CDK5RAP2: variants seen among roughly 807,000 people sequenced by gnomAD.
CDK5RAP2 encodes the protein CDK5 regulatory subunit associated protein 2, also known as CDK5 regulatory subunit-associated protein 2.
CDK5RAP2 carries 147 observed loss-of-function variants against 232.9 expected under a neutral mutation model. The ratio of observed to expected loss-of-function variants is 0.63; its 90% CI spans 0.55 to 0.72. The LOEUF (loss-of-function observed/expected upper bound fraction) is 0.72. CDK5RAP2 is among the 30% of genes least tolerant of loss of function. The pLI is 0.00. For missense variants in CDK5RAP2, 2,195 were observed against 2,231.5 expected (o/e 0.98, Z 0.33); for synonymous variants, 833 against 833.7 (o/e 1.00, Z 0.01).
intron 3 of CDK5RAP2, among the ~76,000 whole-genome samples, chr9:120,560,704 C>A (rs1375617406): frequency 6.6e-6 from 1 of 152,176 alleles, no homozygotes; most frequent in Non-Finnish European, 1.5e-5. Context: ...GCAACCTCCG[C>A]CTTCCGGGCT....
intron 23 of CDK5RAP2, among the ~76,000 whole-genome samples, chr9:120,443,240 C>T (rs2035996864): frequency 6.6e-6 from 1 of 152,184 alleles, no homozygotes; most frequent in Non-Finnish European, 1.5e-5. Context: ...AAGCACACCT[C>T]AGCAACAGGC....
intron 35 of CDK5RAP2, among the ~76,000 whole-genome samples, chr9:120,397,353 C>T (rs531684194): frequency 6.6e-6 from 1 of 151,934 alleles, no homozygotes; most frequent in East Asian, 1.9e-4. Context: ...ACCTTAGAAT[C>T]CAATTGTATC....
intron 12 of CDK5RAP2, among the ~76,000 whole-genome samples, chr9:120,494,630 G>A (rs926538414): frequency 6.6e-6 from 1 of 152,094 alleles, no homozygotes; most frequent in Non-Finnish European, 1.5e-5. Flanking sequence ...AAATGCAGGA[G>A]GAGGAAGAGG....
intron 11 of CDK5RAP2, among the ~76,000 whole-genome samples, chr9:120,523,894 A>G (rs534461882): frequency 8.1e-4 from 123 of 152,268 alleles, no homozygotes; most frequent in African/African-American, 2.9e-3. Flanking sequence ...GAGTCCTTGT[A>G]GTACAACATT....
At chr9:120,543,573 A>G (rs2041724913) in intron 5 of CDK5RAP2, among the ~76,000 whole-genome samples, 1 of 151,954 alleles carries the variant, frequency 6.6e-6, no homozygotes, top group African/African-American at 2.4e-5. Context: ...TCACTCCCCT[A>G]CCTGGCTGGG....
intron 18 of CDK5RAP2, among the ~76,000 whole-genome samples, chr9:120,463,863 C>A (rs2037224468): frequency 6.6e-6 from 1 of 152,214 alleles, no homozygotes; most frequent in Non-Finnish European, 1.5e-5. Context: ...ATACTTCATG[C>A]TGCATGCTAT....
intron 12 of CDK5RAP2, among the ~76,000 whole-genome samples, chr9:120,507,924 AAAAAAAAAAAAAAAAAAAATATATAT>A (rs1453527391): frequency 4.4e-5 from 3 of 67,522 alleles, no homozygotes; most frequent in African/African-American, 1.4e-4. Flanking sequence ...AAAAAAAAAA[AAAAAAAAAAAAAAAAAAAATATATAT>A]ATATATATAT....
Position 120,525,013 on chromosome 9 carries a change from T to G in CDK5RAP2, c.1065A>C (p.Leu355=). Residue 355 remains leucine, a synonymous_variant, in exon 11 of 38, where the codon CTA becomes CTC. Coordinates refer to ENST00000349780, the MANE Select transcript of CDK5RAP2 (RefSeq NM_018249.6). Reference sequence around the variant, plus strand: ...GAAATTCCTGGGTCTGTGCTTTCTGTAGGGCCTCTCTGGCTTTAGCAAAGG... The same window carrying G: ...GAAATTCCTGGGTCTGTGCTTTCTGGAGGGCCTCTCTGGCTTTAGCAAAGG... The part of the protein sequence containing the change: ...SAAFAKAREA[L]QKAQTQEFQG... The G allele has an allele frequency of 1.9e-6, 3 of 1,614,002 alleles. No homozygotes were observed. Among genetic ancestry groups the G allele is most frequent in the Non-Finnish European group, 2.5e-6 (3 of 1,179,872 alleles).
intron 12 of CDK5RAP2, among the ~76,000 whole-genome samples, chr9:120,515,155 G>A (rs936853965): frequency 2.0e-5 from 3 of 152,160 alleles, no homozygotes; most frequent in South Asian, 2.1e-4. Flanking sequence ...ATGGCAGTAA[G>A]GGATGAGGGA....
chr9:120,418,310 C>G (rs2034359399), intron 27 of CDK5RAP2, among the ~76,000 whole-genome samples: 1 of 152,120 alleles, frequency 6.6e-6, no homozygotes, highest in Non-Finnish European at 1.5e-5. Flanking sequence ...AGAAATAGAA[C>G]AAGGTTGGGG....
intron 25 of CDK5RAP2, among the ~76,000 whole-genome samples, chr9:120,429,164 C>G (rs947096585): frequency 1.3e-5 from 2 of 151,794 alleles, no homozygotes; most frequent in Non-Finnish European, 2.9e-5. Flanking sequence ...ACTGAATGGG[C>G]AAAAACTGGA....
intron 8 of CDK5RAP2, among the ~76,000 whole-genome samples, chr9:120,529,437 C>T (rs1402840157): frequency 6.6e-6 from 1 of 152,246 alleles, no homozygotes. Flanking sequence ...AAAAATGTAA[C>T]AATTCCTCTG....
chr9:120,494,918 G>A (rs1434423285), intron 12 of CDK5RAP2, among the ~76,000 whole-genome samples: 7 of 143,412 alleles, frequency 4.9e-5, no homozygotes, highest in Non-Finnish European at 1.1e-4. Flanking sequence ...GACGCCCGCG[G>A]GCCCCAGCTG....
chr9:120,507,910 TAAAAAAAAAAAAAAAAAAA>T (rs1161123095), intron 12 of CDK5RAP2, among the ~76,000 whole-genome samples: 3 of 59,420 alleles, frequency 5.0e-5, no homozygotes, highest in African/African-American at 2.5e-4. Flanking sequence ...ACTGGCTGAT[TAAAAAAAAAAAAAAAAAAA>T]AAAAAAAAAA....
chr9:120,536,672 A>G (rs1012329720), intron 6 of CDK5RAP2, 146 bp from the exon 7 acceptor site: 8 of 818,496 alleles, frequency 9.8e-6, no homozygotes, highest in East Asian at 2.7e-5. Flanking sequence ...GGAGAGAATC[A>G]GTAATAAATA....
At chr9:120,426,149 C>T (rs2034884396) in intron 25 of CDK5RAP2, among the ~76,000 whole-genome samples, 1 of 152,220 alleles carries the variant, frequency 6.6e-6, no homozygotes, top group Admixed American at 6.5e-5. Flanking sequence ...GCCTGCATCA[C>T]TCTGTTAACC....
At chr9:120,518,165 CTGTGTGTGTGTGTGTGTGTGTGTG>C (rs56032707) in intron 12 of CDK5RAP2, among the ~76,000 whole-genome samples, 5 of 111,250 alleles carry the variant, frequency 4.5e-5, no homozygotes, top group South Asian at 3.8e-4. Context: ...GATAACAACT[CTGTGTGTGTGTGTGTGTGTGTGTG>C]TGTGTGTGTG....
intron 2 of CDK5RAP2, among the ~76,000 whole-genome samples, chr9:120,570,709 C>G (rs561883066): frequency 6.6e-6 from 1 of 152,002 alleles, no homozygotes; most frequent in Non-Finnish European, 1.5e-5. Context: ...TGTGGTGGCA[C>G]GTGCCTGTAA....
At chr9:120,486,753 A>G (rs927489255) in intron 14 of CDK5RAP2, among the ~76,000 whole-genome samples, 3 of 152,216 alleles carry the variant, frequency 2.0e-5, no homozygotes, top group African/African-American at 7.2e-5. Flanking sequence ...AGAGAAGGTG[A>G]CACTAAGATG....
Sources: allele counts gnomAD v4.1 joint callset (sites outside exome capture counted in the v4.1 genomes callset), GRCh38; gene constraint gnomAD v4.1.1; transcripts MANE v1.5; gene names NCBI Gene and HGNC (gene_info 2026-07-23, HGNC 2026-07-21).